KAT2B: variants seen among roughly 807,000 people sequenced by gnomAD.
KAT2B encodes lysine acetyltransferase 2B, also known as histone acetyltransferase KAT2B.
A neutral mutation model predicts 105.9 loss-of-function variants in KAT2B; 36 were observed. The ratio of observed to expected loss-of-function variants is 0.34; its 90% CI spans 0.26 to 0.45. The LOEUF is 0.45. Ranked by LOEUF, KAT2B falls within the 20% of genes least tolerant of loss-of-function variation. The probability of loss-of-function intolerance (pLI) is 1.00; values close to 1 mark genes in which losing one functional copy is unlikely to be tolerated. For synonymous variants in KAT2B, 397 were observed against 377.9 expected (o/e 1.05, Z -0.59); for missense variants, 820 against 1,021.6 (o/e 0.80, Z 2.69).
intron 14 of KAT2B, among the ~76,000 whole-genome samples, chr3:20,147,112 G>C (rs1361449024): frequency 6.6e-6 from 1 of 152,064 alleles, no homozygotes; most frequent in African/African-American, 2.4e-5. Flanking sequence ...ATTTTGTTCA[G>C]TTCAAATCCA....
intron 1 of KAT2B, among the ~76,000 whole-genome samples, chr3:20,043,867 G>A (rs1697761270): frequency 6.6e-6 from 1 of 152,064 alleles, no homozygotes; most frequent in African/African-American, 2.4e-5. Flanking sequence ...TTTGCCACAG[G>A]CCCCTTGGCA....
rs1471179340 is a variant in KAT2B, at chr3:20,095,132, A to G, written c.431-131A>G. On this transcript the variant is annotated intron_variant, in intron 2 of 17. Transcript: ENST00000263754. ...ACTTCAGTCCTACAGGAGTTCAGAA[A>G]TTTTCTCTTATTACCAGTGAACTTA... 4.5e-6 allele frequency: 3 copies of G among 669,568 alleles called. No homozygotes were observed. The South Asian group carries it at 6.9e-5, about 15-fold the overall frequency. The allele number at this position is 669,568 out of a possible 1,614,324, so 41.5% of individuals were successfully genotyped here. A position where few individuals can be genotyped will look rare whatever the true frequency, so the allele number is the denominator to read the frequency against.
intron 1 of KAT2B, among the ~76,000 whole-genome samples, chr3:20,041,353 C>G (rs912477825): frequency 5.9e-5 from 9 of 152,232 alleles, no homozygotes; most frequent in Admixed American, 2.0e-4. Context: ...GCGCCCTCGG[C>G]TGGGGGCGGA....
At chr3:20,050,387 C>A (rs1697895756) in intron 1 of KAT2B, among the ~76,000 whole-genome samples, 1 of 152,134 alleles carries the variant, frequency 6.6e-6, no homozygotes, top group Admixed American at 6.5e-5. Context: ...CAACTGCCAC[C>A]TAGATAAAGC....
At chr3:20,076,209 A>G (rs1698416614) in intron 2 of KAT2B, among the ~76,000 whole-genome samples, 1 of 152,216 alleles carries the variant, frequency 6.6e-6, no homozygotes, top group Non-Finnish European at 1.5e-5. Flanking sequence ...GACCAAGTAT[A>G]TTTCATACTA....
intron 1 of KAT2B, among the ~76,000 whole-genome samples, chr3:20,060,813 T>C (rs1016496402): frequency 1.3e-5 from 2 of 151,966 alleles, no homozygotes; most frequent in Non-Finnish European, 2.9e-5. Flanking sequence ...GGTGTAGAGG[T>C]ACATGCCTGT....
At chr3:20,140,832 C>T (rs915031945) in intron 13 of KAT2B, among the ~76,000 whole-genome samples, 15 of 152,090 alleles carry the variant, frequency 9.9e-5, no homozygotes, top group Admixed American at 5.2e-4. Flanking sequence ...TTTCCTTTCT[C>T]GGTTACCATT....
At chr3:20,140,389 C>T (rs752185302) in intron 13 of KAT2B, 25 bp downstream of exon 13, 1 of 1,612,212 alleles carries the variant, frequency 6.2e-7, no homozygotes, top group South Asian at 1.1e-5. Flanking sequence ...GACTCCCTTA[C>T]CTTCTGTACA....
chr3:20,043,026 G>A (rs1156528076), intron 1 of KAT2B, among the ~76,000 whole-genome samples: 1 of 151,796 alleles, frequency 6.6e-6, no homozygotes, highest in African/African-American at 2.4e-5. Flanking sequence ...TCAGCCTCTT[G>A]AGTAGCTGGG....
At chr3:20,129,245 A>T (rs372985581) in intron 11 of KAT2B, among the ~76,000 whole-genome samples, 2 of 152,108 alleles carry the variant, frequency 1.3e-5, no homozygotes, top group East Asian at 3.9e-4. Context: ...AAGCAAGTGG[A>T]ATCCAGTGAG....
intron 1 of KAT2B, among the ~76,000 whole-genome samples, chr3:20,043,834 C>T (rs1697760717): frequency 6.6e-6 from 1 of 151,772 alleles, no homozygotes; most frequent in African/African-American, 2.4e-5. Context: ...ATGAGCAAGC[C>T]CAAAAGGACA....
Position 20,137,139 on chromosome 3 carries a change from C to A in KAT2B, c.1860+87C>A, listed in dbSNP as rs1396023623. ...CGTTCTTCCAAATAAGTTTCTCCCC[C>A]AGTGTTTTCTACTTATAAGAACAGG... On this transcript the variant is annotated intron_variant, in intron 12 of 17. Transcript: ENST00000263754. The A allele has an allele frequency of 2.0e-5, 14 of 704,564 alleles. No homozygotes were observed. In the East Asian group the frequency reaches 2.9e-4, roughly 15 times the overall value. The allele number at this position is 704,564 out of a possible 1,614,324, so 43.6% of individuals were successfully genotyped here. A position where few individuals can be genotyped will look rare whatever the true frequency, so the allele number is the denominator to read the frequency against.
intron 2 of KAT2B, among the ~76,000 whole-genome samples, chr3:20,094,417 A>G (rs1698774235): frequency 6.6e-6 from 1 of 152,140 alleles, no homozygotes; most frequent in African/African-American, 2.4e-5. Flanking sequence ...GCAATTTGAG[A>G]TGATGTTTGG....
intron 5 of KAT2B, among the ~76,000 whole-genome samples, chr3:20,107,420 G>A (rs1699040403): frequency 6.6e-6 from 1 of 151,698 alleles, no homozygotes; most frequent in Non-Finnish European, 1.5e-5. Flanking sequence ...CACTTTGGGA[G>A]GCCAAGGCGG....
At chr3:20,112,166 C>CTTTTTTTTTTTTTT (rs5847044) in intron 6 of KAT2B, among the ~76,000 whole-genome samples, 2 of 141,232 alleles carry the variant, frequency 1.4e-5, no homozygotes. Flanking sequence ...GCTCAAGTGG[C>CTTTTTTTTTTTTTT]TTTTTTTTTT....
intron 1 of KAT2B, among the ~76,000 whole-genome samples, chr3:20,044,681 C>G (rs1046004685): frequency 2.0e-5 from 3 of 152,136 alleles, no homozygotes. Context: ...CCAACCCTTC[C>G]TATAGAACTC....
At chr3:20,115,590 G>GA (rs1476308975) in intron 7 of KAT2B, among the ~76,000 whole-genome samples, 2 of 151,968 alleles carry the variant, frequency 1.3e-5, no homozygotes, top group Non-Finnish European at 2.9e-5. Flanking sequence ...CTCCAGCAAA[G>GA]AAAAAATGAT....
In KAT2B at chr3:20,045,446, A is replaced by C. The variant is rs1351290890; in HGVS notation, c.303+4666A>C. On this transcript the variant is annotated intron_variant, in intron 1 of 17. Transcript: ENST00000263754. ...GCTCACTGCAGCCTTGAACTCCTTG[A>C]CTCAGGTGATCCTCCCACCTCAGCC... Among the ~76,000 whole-genome samples, 5 of 151,314 alleles carry C rather than the reference A, an allele frequency of 3.3e-5. No individual in the cohort carries two copies. In the East Asian group the frequency reaches 7.8e-4, roughly 24 times the overall value.
intron 8 of KAT2B, among the ~76,000 whole-genome samples, chr3:20,121,729 C>CGT (rs1699311179): frequency 1.7e-4 from 20 of 120,286 alleles, no homozygotes; most frequent in Admixed American, 2.6e-4. Context: ...TACACATATG[C>CGT]ATATGTGTGT....
Sources: gnomAD v4.1 joint callset for allele counts (sites outside exome capture counted in the v4.1 genomes callset) on GRCh38, gnomAD v4.1.1 for gene constraint, MANE v1.5 for transcripts, NCBI Gene and HGNC (gene_info 2026-07-23, HGNC 2026-07-21) for gene names.